Variants in CHL1 observed in about 807,000 individuals in gnomAD.
CHL1 encodes neural cell adhesion molecule L1-like protein.
Under a neutral mutation model 141.9 loss-of-function variants are expected in CHL1, and 96 were observed. That is an observed-to-expected ratio of 0.68 (90% CI 0.57 to 0.80). CHL1 has a LOEUF of 0.80. Among genes scored for constraint, CHL1 ranks in the 30% least tolerant of loss-of-function variants. The pLI, the probability that CHL1 is intolerant of heterozygous loss-of-function variation, is 0.00. For missense variants in CHL1, 1,820 were observed against 1,457.2 expected (o/e 1.25, Z -4.05); for synonymous variants, 613 against 502.2 (o/e 1.22, Z -2.95).
intron 1 of CHL1, among the ~76,000 whole-genome samples, chr3:217,199 G>C (rs1423213821): frequency 2.0e-5 from 3 of 152,064 alleles, no homozygotes; most frequent in Non-Finnish European, 4.4e-5. Context: ...ATTACCCATG[G>C]GGTTGCAGCT....
chr3:322,803 C>T (rs1700704421), intron 3 of CHL1, among the ~76,000 whole-genome samples: 1 of 150,654 alleles, frequency 6.6e-6, no homozygotes, highest in South Asian at 2.1e-4. Flanking sequence ...ATGATCATGC[C>T]ACTACATTCC....
At chr3:343,863 C>T (rs1196249977) in intron 8 of CHL1, among the ~76,000 whole-genome samples, 1 of 152,128 alleles carries the variant, frequency 6.6e-6, no homozygotes, top group Non-Finnish European at 1.5e-5. Flanking sequence ...AATCATTGCA[C>T]ATAGTACATA....
chr3:350,550 C>G (rs1703155634), intron 10 of CHL1, among the ~76,000 whole-genome samples: 1 of 151,858 alleles, frequency 6.6e-6, no homozygotes, highest in Non-Finnish European at 1.5e-5. Context: ...AAGTTCACCT[C>G]TTAAAACTTT....
chr3:389,127 T>G, intron 19 of CHL1, 125 bp from the exon 20 acceptor site: 2 of 768,426 alleles, frequency 2.6e-6, no homozygotes, highest in Non-Finnish European at 4.2e-6. Context: ...AGAAGGGGGA[T>G]TTAAGATCTC....
At chr3:242,458 T>A (rs536632239) in intron 1 of CHL1, among the ~76,000 whole-genome samples, 22 of 145,232 alleles carry the variant, frequency 1.5e-4, no homozygotes, top group Non-Finnish European at 1.8e-4. Flanking sequence ...TATCCCGGCG[T>A]GGTGGTGGGC....
intron 15 of CHL1, among the ~76,000 whole-genome samples, chr3:374,879 C>T (rs1356771654): frequency 4.6e-5 from 7 of 152,216 alleles, no homozygotes; most frequent in Admixed American, 2.6e-4. Context: ...TGCAGAAGAC[C>T]GGAAGCTTTA....
At chr3:384,885 A>G (rs1707489084) in intron 19 of CHL1, among the ~76,000 whole-genome samples, 1 of 152,216 alleles carries the variant, frequency 6.6e-6, no homozygotes, top group African/African-American at 2.4e-5. Flanking sequence ...CTTTGTACTC[A>G]TTACACAATC....
rs562195471 is a variant in CHL1, at chr3:263,149, A to G, written c.-95+18457A>G. 2.0e-5 allele frequency among the ~76,000 whole-genome samples: 3 copies of G among 152,280 alleles called. No homozygotes were observed. The South Asian group carries it at 6.2e-4, about 32-fold the overall frequency. ...TCAACTGAAATCCAGATGTGCCAGC[A>G]CTGAAGCTCCATCGCAGGCAAGGCC... is the stretch of plus-strand genomic sequence containing the variant. On this transcript the variant is annotated intron_variant, in intron 2 of 27. Transcript: ENST00000256509.
intron 11 of CHL1, among the ~76,000 whole-genome samples, chr3:359,620 AT>A (rs1189224951): frequency 6.6e-6 from 1 of 152,110 alleles, no homozygotes; most frequent in Non-Finnish European, 1.5e-5. Flanking sequence ...AGGTATTCTC[AT>A]TTCCAAAAGA....
chr3:296,268 G>T (rs773523640), intron 2 of CHL1, among the ~76,000 whole-genome samples: 1 of 151,886 alleles, frequency 6.6e-6, no homozygotes, highest in Non-Finnish European at 1.5e-5. Flanking sequence ...TTTTTATATC[G>T]TTCATCGAAA....
At chr3:265,353 A>G (rs1005540797) in intron 2 of CHL1, among the ~76,000 whole-genome samples, 2 of 152,234 alleles carry the variant, frequency 1.3e-5, no homozygotes, top group African/African-American at 2.4e-5. Flanking sequence ...CACAGACTAA[A>G]TGTTCAATTT....
chr3:377,951 A>G lies in CHL1; in HGVS notation c.1876+9A>G, dbSNP rs374804304. 35 of 1,559,812 alleles carry G rather than the reference A, an allele frequency of 2.2e-5. No homozygotes were observed. In the African/African-American group the frequency reaches 6.1e-4, roughly 27 times the overall value. The stretch of plus-strand genomic sequence containing the variant: ...TCAAGTAACTGTTCTTGGTAAGTGC[A>G]CTAACTAATGAGAAATCTGTTCATT... On this transcript the variant is annotated intron_variant, in intron 16 of 27. Transcript: ENST00000256509.
At chr3:286,238 T>C (rs1005289733) in intron 2 of CHL1, among the ~76,000 whole-genome samples, 3 of 152,286 alleles carry the variant, frequency 2.0e-5, no homozygotes, top group Non-Finnish European at 4.4e-5. Context: ...TCCTGATCCA[T>C]GCCCCAAAAG....
rs1709662706 is a variant in CHL1, at chr3:408,387, C to T, written c.*2676C>T. ...GGGTTGGGAAAATCCAAATTCTCTT[C>T]CTGGTTCCAGCACTGATTTTGTACA... On this transcript the variant is annotated 3_prime_UTR_variant, in exon 28 of 28. Coordinates refer to ENST00000256509, the MANE Select transcript of CHL1 (RefSeq NM_006614.4). The T allele has an allele frequency of 6.6e-6, 1 of 152,030 alleles. No individual in the cohort carries two copies. The highest frequency in any genetic ancestry group is 2.4e-5 in the African/African-American group (1 of 41,418). The allele number at this position is 152,030 out of a possible 1,614,324, so 9.4% of individuals were successfully genotyped here. A position where few individuals can be genotyped will look rare whatever the true frequency, so the allele number is the denominator to read the frequency against.
At chr3:210,684 A>G (rs1699837484) in intron 1 of CHL1, among the ~76,000 whole-genome samples, 1 of 152,222 alleles carries the variant, frequency 6.6e-6, no homozygotes, top group Non-Finnish European at 1.5e-5. Context: ...CAAATTAAGA[A>G]AGACATGCTA....
chr3:228,872 C>T (rs1701616165), intron 1 of CHL1, among the ~76,000 whole-genome samples: 1 of 151,996 alleles, frequency 6.6e-6, no homozygotes, highest in African/African-American at 2.4e-5. Context: ...ATATGTGTAT[C>T]AGATGTAAAA....
chr3:319,800 A>G lies in CHL1; in HGVS notation c.24A>G (p.Arg8=). Residue 8 remains arginine (R), a synonymous_variant, in exon 3 of 28, where the codon AGA becomes AGG. Transcript: ENST00000256509. Reference sequence around the variant, plus strand: ...CAATGGAGCCGCTTTTACTTGGAAGAGGACTAATCGTATATCTAATGTTCC... The same window carrying G: ...CAATGGAGCCGCTTTTACTTGGAAGGGGACTAATCGTATATCTAATGTTCC... MEPLLLG[R]GLIVYLMFLL... is the part of the protein sequence containing the mutation. 1 of 1,607,332 alleles carries G rather than the reference A, an allele frequency of 6.2e-7. No individual in the cohort carries two copies. Among genetic ancestry groups the G allele is most frequent in the Non-Finnish European group, 8.5e-7 (1 of 1,175,536 alleles).
At chr3:207,237 A>G (rs1454766320) in intron 1 of CHL1, among the ~76,000 whole-genome samples, 3 of 152,214 alleles carry the variant, frequency 2.0e-5, no homozygotes, top group Admixed American at 1.3e-4. Flanking sequence ...TGGCTCCAAA[A>G]GGCTCCTTTT....
At chr3:358,302 A>AC (rs1426676355) in intron 11 of CHL1, among the ~76,000 whole-genome samples, 2 of 152,000 alleles carry the variant, frequency 1.3e-5, no homozygotes, top group Admixed American at 6.6e-5. Context: ...CATCTCTCTG[A>AC]CCATCCTTCC....
Sources: allele counts gnomAD v4.1 joint callset (sites outside exome capture counted in the v4.1 genomes callset), GRCh38; gene constraint gnomAD v4.1.1; transcripts MANE v1.5; gene names NCBI Gene and HGNC (gene_info 2026-07-23, HGNC 2026-07-21).